Variants in INSL6 observed in about 807,000 individuals in gnomAD.
INSL6 encodes insulin like 6.
In INSL6, 16 loss-of-function variants were observed where a neutral mutation model predicts 9.4. The observed-to-expected ratio is 1.70, with a 90% CI of 1.15 to 2.59. INSL6 has a LOEUF of 2.59. Ranked by LOEUF, INSL6 falls within the 30% of genes most tolerant of loss-of-function variation. INSL6 has a pLI of 0.00. For synonymous variants in INSL6, 154 were observed against 96.9 expected (o/e 1.59, Z -3.46); for missense variants, 391 against 257.3 (o/e 1.52, Z -3.56).
chr9:5,005,034 A>T, the INSL6 span, among the ~76,000 whole-genome samples: 35,875 of 137,474 alleles, frequency 0.26, 4,813 homozygotes, highest in South Asian at 0.34. Flanking sequence ...CTCCTCCTTC[A>T]GCCTCTTGAG....
chr9:5,113,989 A>T, the INSL6 span: 1 of 268,646 alleles, frequency 3.7e-6, no homozygotes, highest in Non-Finnish European at 7.4e-6. Flanking sequence ...ACCTGGCTGG[A>T]GGATGGGCAG....
downstream of INSL6, among the ~76,000 whole-genome samples, chr9:5,160,554 A>G (rs993122113): frequency 6.6e-6 from 1 of 152,176 alleles, no homozygotes; most frequent in Non-Finnish European, 1.5e-5. Context: ...GAAAAGCAAG[A>G]GCAAGCCAAA....
At chr9:5,155,285 T>C (rs1470242818) in intron 2 of INSL6, among the ~76,000 whole-genome samples, 4 of 129,574 alleles carry the variant, frequency 3.1e-5, no homozygotes, top group Non-Finnish European at 4.7e-5. Flanking sequence ...TGAGAACACA[T>C]GGACATTGGA....
the INSL6 span, among the ~76,000 whole-genome samples, chr9:5,032,878 G>C: frequency 6.9e-3 from 1,051 of 152,274 alleles, 12 homozygotes; most frequent in African/African-American, 0.023. Flanking sequence ...TACCAGCAAC[G>C]GAACAAAGCC....
chr9:5,117,871 A>G, the INSL6 span, among the ~76,000 whole-genome samples: 1 of 152,176 alleles, frequency 6.6e-6, no homozygotes, highest in Non-Finnish European at 1.5e-5. Flanking sequence ...AGAGGCAGCT[A>G]ATTAGATTTT....
rs573288560 is a variant in INSL6 at position 5,157,083 on chromosome 9, T to C, written c.376+7096A>G. Among the ~76,000 whole-genome samples the C allele has an allele frequency of 2.6e-5, 4 of 152,144 alleles. No individual in the cohort carries two copies. The East Asian group carries it at 7.7e-4, about 29-fold the overall frequency. On this transcript the variant is annotated intron_variant, in intron 2 of 3. Coordinates refer to the INSL6 transcript ENST00000649639. ...CAACATATGTATTATAACTGTACAT[T>C]AAAACTACAAAATATTGCTGAAATT...
At chr9:5,165,135 C>T (rs376719951) in intron 1 of INSL6, among the ~76,000 whole-genome samples, 4 of 152,050 alleles carry the variant, frequency 2.6e-5, no homozygotes, top group African/African-American at 4.8e-5. Context: ...CACTTGAACA[C>T]GGGAGGAAGA....
the INSL6 span, among the ~76,000 whole-genome samples, chr9:5,067,791 A>T: frequency 6.6e-6 from 1 of 152,196 alleles, no homozygotes; most frequent in Non-Finnish European, 1.5e-5. Flanking sequence ...TATACAAAAA[A>T]TTCTAAATCG....
At chr9:5,045,466 T>C in the INSL6 span, among the ~76,000 whole-genome samples, 3 of 152,196 alleles carry the variant, frequency 2.0e-5, no homozygotes, top group Non-Finnish European at 4.4e-5. Context: ...AGTTCAGTTG[T>C]ATTAAGTACA....
the INSL6 span, chr9:5,089,628 G>A: frequency 1.1e-6 from 1 of 889,524 alleles, no homozygotes. Context: ...TTTGTAATTT[G>A]CCTTGAAAAC....
the INSL6 span, chr9:5,108,402 C>T: frequency 1.3e-5 from 2 of 152,118 alleles, no homozygotes; most frequent in South Asian, 4.1e-4. Context: ...CCTTCCTCTA[C>T]TTGTTACACT....
chr9:5,111,565 C>T, the INSL6 span: 1 of 364,566 alleles, frequency 2.7e-6, no homozygotes, highest in Non-Finnish European at 5.4e-6. Flanking sequence ...TGGCAGATGG[C>T]AGCCTGCACC....
At chr9:5,168,759 C>G (rs948206930) in intron 1 of INSL6, among the ~76,000 whole-genome samples, 1 of 151,848 alleles carries the variant, frequency 6.6e-6, no homozygotes, top group Non-Finnish European at 1.5e-5. Flanking sequence ...ATGAGAAGAT[C>G]AGCCCAATGA....
chr9:5,038,478 A>T, the INSL6 span, among the ~76,000 whole-genome samples: 1 of 152,166 alleles, frequency 6.6e-6, no homozygotes, highest in African/African-American at 2.4e-5. Context: ...AGAAAAGAAA[A>T]CTACAGACCA....
At chr9:5,083,303 A>G in the INSL6 span, among the ~76,000 whole-genome samples, 3 of 152,202 alleles carry the variant, frequency 2.0e-5, no homozygotes, top group Admixed American at 1.3e-4. Context: ...TATAACCTAC[A>G]TATTATAAGT....
At chr9:4,997,222 C>T in the INSL6 span, among the ~76,000 whole-genome samples, 3 of 151,976 alleles carry the variant, frequency 2.0e-5, no homozygotes, top group African/African-American at 7.3e-5. Flanking sequence ...CTGGAGCCAC[C>T]GCGCATGGCC....
chr9:5,129,743 C>T (rs1424185400), intron 3 of INSL6, among the ~76,000 whole-genome samples: 1 of 152,120 alleles, frequency 6.6e-6, no homozygotes, highest in East Asian at 1.9e-4. Flanking sequence ...ATAATTCTCA[C>T]AGTGATATTA....
chr9:5,042,538 C>T, the INSL6 span, among the ~76,000 whole-genome samples: 2 of 152,218 alleles, frequency 1.3e-5, no homozygotes, highest in Non-Finnish European at 2.9e-5. Flanking sequence ...GCCCCCTCCA[C>T]CCCCACCCCT....
chr9:5,184,837 C>T (rs1277169316), intron 1 of INSL6, among the ~76,000 whole-genome samples: 1 of 152,168 alleles, frequency 6.6e-6, no homozygotes, highest in Non-Finnish European at 1.5e-5. Flanking sequence ...ATTTTCATGG[C>T]CCTTTCCTGC....
Sources: allele counts gnomAD v4.1 joint callset (sites outside exome capture counted in the v4.1 genomes callset), GRCh38; gene constraint gnomAD v4.1.1; transcripts MANE v1.5; gene names NCBI Gene and HGNC (gene_info 2026-07-23, HGNC 2026-07-21).